The following RILP variants were observed in gnomAD, a reference collection of about 807,000 sequenced individuals.
The protein encoded by RILP is rab-interacting lysosomal protein.
Under a neutral mutation model 40.0 loss-of-function variants are expected in RILP, and 53 were observed. The ratio of observed to expected loss-of-function variants is 1.32; its 90% CI spans 1.06 to 1.66. The LOEUF is 1.66. Ranked by LOEUF, RILP falls within the 40% of genes most tolerant of loss-of-function variation. RILP has a pLI of 0.00. For synonymous variants in RILP, 272 were observed against 250.6 expected, an observed-to-expected ratio of 1.09 and a Z score of -0.80; for missense variants, 626 against 551.7, an observed-to-expected ratio of 1.13 and a Z score of -1.35.
chr17:1,648,398 A>C lies in RILP; in HGVS notation c.773T>G (p.Leu258Arg), dbSNP rs764781286. Residue 258 changes from leucine to arginine, a missense_variant, in exon 5 of 8, where the codon CTC becomes CGC. Leu to Arg is a moderately radical substitution (Grantham distance 102, BLOSUM62 -2). Coordinates refer to ENST00000301336, the MANE Select transcript of RILP (RefSeq NM_031430.3). This position sits in a 1 kb window ranked among gnomAD's most constrained non-coding sequence, Gnocchi z 4.9. ...CTTGAGCAGGAACACTTTGGCTTTG[A>C]GTTCATTCCGCTCCTGAAGGATCTG... ...FEQILQERNE[L>R]KAKVFLLKEE... The C allele has an allele frequency of 6.2e-7, 1 of 1,614,088 alleles. No homozygotes were observed. The highest frequency in any genetic ancestry group is 8.5e-7 in the Non-Finnish European group (1 of 1,179,998).
rs755114036 is a variant in RILP at position 1,649,666 on chromosome 17, C to T, written c.139G>A (p.Gly47Arg). ...ACCAGCCCGGCCGCCGCCTCCGGCC[C>T]GAAACGGCGCGCCAGATCCTGCAGC... is the stretch of plus-strand genomic sequence containing the variant. ...TELQDLARRFGPEAAAGLVPL... is the reference protein window; with the variant it reads ...TELQDLARRFRPEAAAGLVPL... Residue 47 changes from glycine to arginine, a missense_variant, in exon 1 of 8, where the codon GGG (glycine) becomes AGG (arginine). Transcript: ENST00000301336. The surrounding 1 kb of genome is among the most constrained non-coding windows in gnomAD (Gnocchi z 4.3). The T allele has an allele frequency of 3.1e-6, 5 of 1,589,360 alleles. No individual in the cohort carries two copies. Among genetic ancestry groups the T allele is most frequent in the Non-Finnish European group, 1.7e-6 (2 of 1,175,568 alleles).
In RILP at chr17:1,646,176, A is replaced by G; in HGVS notation, c.*266T>C. 2.2e-6 allele frequency: 1 copy of G among 454,556 alleles called. No homozygotes were observed. The highest frequency in any genetic ancestry group is 3.9e-6 in the Non-Finnish European group (1 of 258,448). 28.2% of individuals were successfully genotyped at this position (454,556 alleles called of 1,614,324 possible). A position where few individuals can be genotyped will look rare whatever the true frequency, so the allele number is the denominator to read the frequency against. Reference sequence around the variant, plus strand: ...TTCTGTGTATTACGGGCAGTTCTTTATTACATGAGCTCAGGCCGTCTGCAC... The same window carrying G: ...TTCTGTGTATTACGGGCAGTTCTTTGTTACATGAGCTCAGGCCGTCTGCAC... On this transcript the variant is annotated 3_prime_UTR_variant, in exon 8 of 8. Transcript: ENST00000301336. The surrounding 1 kb of genome is among the most constrained non-coding windows in gnomAD (Gnocchi z 4.3).
Position 1,648,598 on chromosome 17 carries a change from G to C in RILP, c.676-103C>G, listed in dbSNP as rs1376209779. On this transcript the variant is annotated intron_variant, in intron 4 of 7. Transcript: ENST00000301336. This position sits in a 1 kb window ranked among gnomAD's most constrained non-coding sequence, Gnocchi z 4.9. The stretch of plus-strand genomic sequence containing the variant: ...AGGAAGTGACGGGCCGGGAGACTTG[G>C]GGGACAAGGGTGCCCTAACAGATAA... 6.7e-7 allele frequency: 1 copy of C among 1,496,910 alleles called. No homozygotes were observed. The highest frequency in any genetic ancestry group is 2.1e-5 in the Admixed American group (1 of 46,526). The allele number at this position is 1,496,910 out of a possible 1,614,324, so 92.7% of individuals were successfully genotyped here.
At position 1,649,053 on chromosome 17, in the gene RILP, G is replaced by C; in HGVS notation, c.430-9C>G. 1 of 1,122,790 alleles carries C rather than the reference G, an allele frequency of 8.9e-7. No homozygotes were observed. Among genetic ancestry groups the C allele is most frequent in the Non-Finnish European group, 1.1e-6 (1 of 884,504 alleles). The allele number at this position is 1,122,790 out of a possible 1,614,324, so 69.6% of individuals were successfully genotyped here. On this transcript the variant is annotated splice_polypyrimidine_tract_variant and intron_variant, in intron 3 of 7. Transcript: ENST00000301336. This position sits in a 1 kb window ranked among gnomAD's most constrained non-coding sequence, Gnocchi z 4.3. Reference sequence around the variant, plus strand: ...TGCAGCTGCTCCTGCAACTGGGAGCGGAGCAAAGGGTGGGGTGGGCGGGGC... The same window carrying C: ...TGCAGCTGCTCCTGCAACTGGGAGCCGAGCAAAGGGTGGGGTGGGCGGGGC...
chr17:1,649,821 G>A lies in RILP; in HGVS notation c.-17C>T. The A allele has an allele frequency of 6.6e-7, 1 of 1,513,390 alleles. No homozygotes were observed. The highest frequency in any genetic ancestry group is 8.8e-7 in the Non-Finnish European group (1 of 1,132,712). 93.7% of individuals were successfully genotyped at this position (1,513,390 alleles called of 1,614,324 possible). ...GGGCTCCATGTCTCCCAGAGGCTTAGGGCTGCGACCCCCCCACCCCACCCT... is the reference window on the plus strand; with the variant it reads ...GGGCTCCATGTCTCCCAGAGGCTTAAGGCTGCGACCCCCCCACCCCACCCT... On this transcript the variant is annotated 5_prime_UTR_variant, in exon 1 of 8. Coordinates refer to ENST00000301336, the MANE Select transcript of RILP (RefSeq NM_031430.3). This position sits in a 1 kb window ranked among gnomAD's most constrained non-coding sequence, Gnocchi z 4.3.
intron 6 of RILP, among the ~76,000 whole-genome samples, chr17:1,647,242 C>A (rs975537919): frequency 6.6e-6 from 1 of 151,990 alleles, no homozygotes; most frequent in African/African-American, 2.4e-5. Context: ...CAAGTTCAAG[C>A]GATTCTCCTG....
Position 1,649,055 on chromosome 17 carries a change from A to G in RILP, c.430-11T>C. 1 of 268,222 alleles carries G rather than the reference A, an allele frequency of 3.7e-6. No homozygotes were observed. Among genetic ancestry groups the G allele is most frequent in the African/African-American group, 2.7e-5 (1 of 37,134 alleles). The allele number at this position is 268,222 out of a possible 1,614,324, so 16.6% of individuals were successfully genotyped here. ...CAGCTGCTCCTGCAACTGGGAGCGG[A>G]GCAAAGGGTGGGGTGGGCGGGGCAC... On this transcript the variant is annotated splice_polypyrimidine_tract_variant and intron_variant, in intron 3 of 7. Transcript: ENST00000301336. The surrounding 1 kb of genome is among the most constrained non-coding windows in gnomAD (Gnocchi z 4.3).
Position 1,649,063 on chromosome 17 carries a change from G to T in RILP, c.430-19C>A. ...CCTGCAACTGGGAGCGGAGCAAAGG[G>T]TGGGGTGGGCGGGGCACCGAGGGCC... On this transcript the variant is annotated intron_variant, in intron 3 of 7. Transcript: ENST00000301336. This position sits in a 1 kb window ranked among gnomAD's most constrained non-coding sequence, Gnocchi z 4.3. 7.7e-7 allele frequency: 1 copy of T among 1,306,662 alleles called. No individual in the cohort carries two copies. Among genetic ancestry groups the T allele is most frequent in the South Asian group, 2.1e-5 (1 of 48,184 alleles). 80.9% of individuals were successfully genotyped at this position (1,306,662 alleles called of 1,614,324 possible). A position where few individuals can be genotyped will look rare whatever the true frequency, so the allele number is the denominator to read the frequency against.
In RILP at chr17:1,649,228, A is replaced by G; in HGVS notation, c.401T>C (p.Leu134Pro). 3.1e-6 allele frequency: 4 copies of G among 1,275,938 alleles called. No homozygotes were observed. Among genetic ancestry groups the G allele is most frequent in the Non-Finnish European group, 2.0e-6 (2 of 995,236 alleles). 79.0% of individuals were successfully genotyped at this position (1,275,938 alleles called of 1,614,324 possible). Residue 134 changes from leucine (L) to proline (P), a missense_variant, in exon 3 of 8, where the codon CTG (leucine) becomes CCG (proline). Coordinates refer to ENST00000301336, the MANE Select transcript of RILP (RefSeq NM_031430.3). The surrounding 1 kb of genome is among the most constrained non-coding windows in gnomAD (Gnocchi z 4.3). The part of the protein sequence containing the change: ...RDELRAHNRD[L>P]RQRGQETEAL... ...CTCGGTCTCCTGGCCGCGCTGCCGCAGGTCGCGGTTGTGCGCCCGGAGTTC... is the reference window on the plus strand; with the variant it reads ...CTCGGTCTCCTGGCCGCGCTGCCGCGGGTCGCGGTTGTGCGCCCGGAGTTC...
chr17:1,649,401 G>T lies in RILP; in HGVS notation c.322+11C>A. On this transcript the variant is annotated intron_variant, in intron 2 of 7. Transcript: ENST00000301336. This position sits in a 1 kb window ranked among gnomAD's most constrained non-coding sequence, Gnocchi z 4.3. Reference sequence around the variant, plus strand: ...CGTCACCCGCCCTGCCCTGGCCGGGGCTGCGCTTACCCTGTGGCCCCGCGC... The same window carrying T: ...CGTCACCCGCCCTGCCCTGGCCGGGTCTGCGCTTACCCTGTGGCCCCGCGC... 6.6e-7 allele frequency: 1 copy of T among 1,503,850 alleles called. No individual in the cohort carries two copies. Among genetic ancestry groups the T allele is most frequent in the South Asian group, 1.2e-5 (1 of 81,124 alleles). 93.2% of individuals were successfully genotyped at this position (1,503,850 alleles called of 1,614,324 possible).
In RILP at chr17:1,646,258, CAGAG is replaced by C; in HGVS notation, c.*180_*183del. ...TTTCATGGATGGGGAAACTGAGACT[CAGAG>C]AGGCACTCTTATATCTGGCCCCAGA... is the stretch of plus-strand genomic sequence containing the variant. On this transcript the variant is annotated 3_prime_UTR_variant, in exon 8 of 8. Transcript: ENST00000301336. This position sits in a 1 kb window ranked among gnomAD's most constrained non-coding sequence, Gnocchi z 4.3. 3.9e-6 allele frequency: 2 copies of C among 510,306 alleles called. No individual in the cohort carries two copies. The highest frequency in any genetic ancestry group is 3.2e-5 in the East Asian group (1 of 31,012). 31.6% of individuals were successfully genotyped at this position (510,306 alleles called of 1,614,324 possible). A position where few individuals can be genotyped will look rare whatever the true frequency, so the allele number is the denominator to read the frequency against.
rs766747126 is a variant in RILP, at chr17:1,648,320, G to A, written c.821+30C>T. The A allele has an allele frequency of 1.0e-5, 16 of 1,607,248 alleles. No individual in the cohort carries two copies. The South Asian group carries it at 1.7e-4, about 17-fold the overall frequency. ...GACTGGAGAATGAGGTGGGGTGATC[G>A]GAGGCCCCCCGGCTTCCCAGCGTCC... On this transcript the variant is annotated intron_variant, in intron 5 of 7. Transcript: ENST00000301336. The surrounding 1 kb of genome is among the most constrained non-coding windows in gnomAD (Gnocchi z 4.9).
In RILP at chr17:1,648,464, G is replaced by A. The variant is rs149882355; in HGVS notation, c.707C>T (p.Ser236Leu). The change falls in exon 5 of 8, where the codon TCG becomes TTG. Residue 236 changes from serine (S) to leucine (L), a missense_variant. Physicochemically the swap from Ser to Leu is moderately radical, Grantham distance 145 (BLOSUM62 -2). Transcript: ENST00000301336. This position sits in a 1 kb window ranked among gnomAD's most constrained non-coding sequence, Gnocchi z 4.9. ...ACTGAAGCGGCACTGCCCTGCCTCC[G>A]AGGGGCGCCCGAGCTGCTGCGCGGC... ...AEAAQQLGRP[S>L]EAGQCRFSRE... 5 of 1,613,792 alleles carry A rather than the reference G, an allele frequency of 3.1e-6. No individual in the cohort carries two copies. The highest frequency in any genetic ancestry group is 1.7e-5 in the Admixed American group (1 of 60,014).
At position 1,646,653 on chromosome 17, in the gene RILP, G is replaced by A; in HGVS notation, c.1029-34C>T. The A allele has an allele frequency of 1.0e-5, 16 of 1,542,238 alleles. No individual in the cohort carries two copies. Among genetic ancestry groups the A allele is most frequent in the Non-Finnish European group, 1.4e-5 (16 of 1,143,580 alleles). ...AGACAGCCAGAGGCACTTTGAGCCA[G>A]GAAGCCAGAGAGGTCAAGGATATGG... On this transcript the variant is annotated intron_variant, in intron 7 of 7. Transcript: ENST00000301336. This position sits in a 1 kb window ranked among gnomAD's most constrained non-coding sequence, Gnocchi z 4.3.
chr17:1,649,249 A>G lies in RILP; in HGVS notation c.380T>C (p.Leu127Pro), dbSNP rs761216005. 4.2e-6 allele frequency: 6 copies of G among 1,423,432 alleles called. No individual in the cohort carries two copies. Among genetic ancestry groups the G allele is most frequent in the African/African-American group, 1.5e-5 (1 of 65,658 alleles). The allele number at this position is 1,423,432 out of a possible 1,614,324, so 88.2% of individuals were successfully genotyped here. Residue 127 changes from leucine to proline, a missense_variant, in exon 3 of 8, where the codon CTC becomes CCC. Physicochemically the swap from Leu to Pro is moderately conservative, Grantham distance 98. Coordinates refer to ENST00000301336, the MANE Select transcript of RILP (RefSeq NM_031430.3). The surrounding 1 kb of genome is among the most constrained non-coding windows in gnomAD (Gnocchi z 4.3). ...CCGCAGGTCGCGGTTGTGCGCCCGG[A>G]GTTCGTCCCGCTGTCGGTCCGTGAC... Reference protein sequence around the residue: ...KEVTDRQRDELRAHNRDLRQR... With the variant: ...KEVTDRQRDEPRAHNRDLRQR...
chr17:1,649,217 C>T lies in RILP; in HGVS notation c.412G>A (p.Gly138Ser), dbSNP rs958913095. The T allele has an allele frequency of 3.4e-6, 5 of 1,483,634 alleles. No individual in the cohort carries two copies. In the African/African-American group the frequency reaches 4.4e-5, roughly 13 times the overall value. 91.9% of individuals were successfully genotyped at this position (1,483,634 alleles called of 1,614,324 possible). Reference sequence around the variant, plus strand: ...GCCCTCACCGCCTCGGTCTCCTGGCCGCGCTGCCGCAGGTCGCGGTTGTGC... The same window carrying T: ...GCCCTCACCGCCTCGGTCTCCTGGCTGCGCTGCCGCAGGTCGCGGTTGTGC... ...RAHNRDLRQR[G>S]QETEALQEQL... Residue 138 changes from glycine to serine, a missense_variant, in exon 3 of 8, where the codon GGC becomes AGC. Transcript: ENST00000301336. This position sits in a 1 kb window ranked among gnomAD's most constrained non-coding sequence, Gnocchi z 4.3.
rs1910596264 is a variant in RILP, at chr17:1,646,672, G to A, written c.1029-53C>T. The A allele has an allele frequency of 6.6e-7, 1 of 1,518,304 alleles. No individual in the cohort carries two copies. Among genetic ancestry groups the A allele is most frequent in the Non-Finnish European group, 8.9e-7 (1 of 1,124,752 alleles). 94.1% of individuals were successfully genotyped at this position (1,518,304 alleles called of 1,614,324 possible). A position where few individuals can be genotyped will look rare whatever the true frequency, so the allele number is the denominator to read the frequency against. ...GAGCCAGGAAGCCAGAGAGGTCAAGGATATGGGTGAGGGCAGGGGATGGTG... is the reference window on the plus strand; with the variant it reads ...GAGCCAGGAAGCCAGAGAGGTCAAGAATATGGGTGAGGGCAGGGGATGGTG... On this transcript the variant is annotated intron_variant, in intron 7 of 7. Transcript: ENST00000301336. The surrounding 1 kb of genome is among the most constrained non-coding windows in gnomAD (Gnocchi z 4.3).
intron 6 of RILP, 71 bp from the exon 7 acceptor site, chr17:1,647,060 G>A (rs575589655): frequency 2.0e-6 from 2 of 1,019,656 alleles, no homozygotes; most frequent in Non-Finnish European, 2.8e-6. Context: ...AATCCAGCAG[G>A]GGGGATGGAG....
chr17:1,647,770 G>A, intron 6 of RILP, 65 bp downstream of exon 6: 1 of 1,603,540 alleles, frequency 6.2e-7, no homozygotes, highest in Non-Finnish European at 8.5e-7. Context: ...ACCAGGCTGG[G>A]TCATCAGGCT....
Sources: gnomAD v4.1 joint callset for allele counts (sites outside exome capture counted in the v4.1 genomes callset) on GRCh38, gnomAD v4.1.1 for gene constraint, Gnocchi (gnomAD v3.1) non-coding constraint, MANE v1.5 for transcripts, NCBI Gene and HGNC (gene_info 2026-07-23, HGNC 2026-07-21) for gene names.